DNAH8: variants seen among roughly 807,000 people sequenced by gnomAD.
The protein encoded by DNAH8 is axonemal beta dynein heavy chain 8.
DNAH8 carries 382 observed loss-of-function variants against 562.1 expected under a neutral mutation model. That is an observed-to-expected ratio of 0.68 (90% CI 0.63 to 0.74). DNAH8 has a LOEUF of 0.74. DNAH8 is among the 30% of genes least tolerant of loss of function. The pLI is 0.00. For synonymous variants in DNAH8, 1,881 were observed against 1,919.4 expected, an observed-to-expected ratio of 0.98 and a Z score of 0.52; for missense variants, 5,203 against 5,620.4, an observed-to-expected ratio of 0.93 and a Z score of 2.37.
In DNAH8 at chr6:38,862,450, T is replaced by G. The variant is rs1776708783; in HGVS notation, c.6302T>G (p.Ile2101Ser). ...DQMDFRGLGR[I>S]FKGLAQSGSW... ...ATGGATTTCAGAGGCCTAGGAAGGA[T>G]TTTCAAAGGCAAGTGTCAAATAATG... is the stretch of plus-strand genomic sequence containing the variant. Residue 2101 changes from isoleucine (I) to serine (S), a missense_variant, in exon 44 of 93, where the codon ATT becomes AGT. By Grantham distance (142) the Ile-to-Ser change is moderately radical. Transcript: ENST00000327475. The G allele has an allele frequency of 1.2e-6, 2 of 1,606,188 alleles. No homozygotes were observed. The highest frequency in any genetic ancestry group is 1.7e-6 in the Non-Finnish European group (2 of 1,176,970).
intron 83 of DNAH8, 111 bp from the exon 84 acceptor site, chr6:38,973,550 T>C: frequency 2.7e-6 from 2 of 732,644 alleles, no homozygotes. Context: ...TTTAAAAATG[T>C]GTTCAAAACA....
chr6:39,029,277 T>A (rs1315478474), intron 92 of DNAH8, among the ~76,000 whole-genome samples: 1 of 152,044 alleles, frequency 6.6e-6, no homozygotes, highest in African/African-American at 2.4e-5. Context: ...CGCTCTCTCC[T>A]CTGTCTTTCC....
chr6:38,739,624 C>A (rs1222754810), intron 7 of DNAH8, among the ~76,000 whole-genome samples: 1 of 152,022 alleles, frequency 6.6e-6, no homozygotes, highest in Non-Finnish European at 1.5e-5. Context: ...CTGGGGAACG[C>A]AGTGAGACCC....
intron 8 of DNAH8, 113 bp downstream of exon 8, chr6:38,742,000 C>G (rs1217836548): frequency 1.2e-6 from 1 of 804,590 alleles, no homozygotes; most frequent in African/African-American, 1.8e-5. Context: ...GAAGTGTTAG[C>G]CTTTGAGTAA....
Position 38,876,400 on chromosome 6 carries a change from C to T in DNAH8, c.7858+572C>T, listed in dbSNP as rs1381184070. Among the ~76,000 whole-genome samples the T allele has an allele frequency of 2.0e-5, 3 of 152,176 alleles. No homozygotes were observed. The East Asian group carries it at 5.8e-4, about 29-fold the overall frequency. Reference sequence around the variant, plus strand: ...GTTCCAAAGAGGAAAAATATGCTTCCTAAAAACTCTAATTACCTCTGGTTC... The same window carrying T: ...GTTCCAAAGAGGAAAAATATGCTTCTTAAAAACTCTAATTACCTCTGGTTC... On this transcript the variant is annotated intron_variant, in intron 53 of 92. Transcript: ENST00000327475.
In DNAH8 at chr6:38,924,104, G is replaced by A. The variant is rs866855066; in HGVS notation, c.10904G>A (p.Arg3635Gln). The A allele has an allele frequency of 1.2e-6, 2 of 1,613,982 alleles. No homozygotes were observed. Among genetic ancestry groups the A allele is most frequent in the Non-Finnish European group, 8.5e-7 (1 of 1,179,926 alleles). Residue 3635 changes from arginine to glutamine, a missense_variant, in exon 73 of 93, where the codon CGG (arginine) becomes CAG (glutamine). By Grantham distance (43) the Arg-to-Gln change is conservative (BLOSUM62 1). This residue lies in a region of DNAH8 where 1,399 missense variants were observed against 1,518.4 expected (regional missense o/e 0.92). Transcript: ENST00000327475. Reference sequence around the variant, plus strand: ...CAATGGGAAATGGAGTTGAGAGCACGGAAAATTCCTTTCACAGAAAACCTG... The same window carrying A: ...CAATGGGAAATGGAGTTGAGAGCACAGAAAATTCCTTTCACAGAAAACCTG... ...KDQWEMELRA[R>Q]KIPFTENLNL... is the part of the protein sequence containing the mutation.
intron 64 of DNAH8, 35 bp downstream of exon 64, chr6:38,908,155 A>G (rs1164625871): frequency 1.5e-6 from 2 of 1,330,694 alleles, no homozygotes; most frequent in Non-Finnish European, 2.0e-6. Context: ...CTACGTAGAA[A>G]GAGTTCCTTA....
In DNAH8 at chr6:38,813,833, A is replaced by G. The variant is rs112322165; in HGVS notation, c.3258-221A>G. The stretch of plus-strand genomic sequence containing the variant: ...TGAGAAAGAACAACATTAAAATAGT[A>G]GAAAATGTATATGAGATTACTATTT... On this transcript the variant is annotated intron_variant, in intron 24 of 92. Coordinates refer to ENST00000327475, the MANE Select transcript of DNAH8 (RefSeq NM_001206927.2). 3.9e-3 allele frequency among the ~76,000 whole-genome samples: 596 copies of G among 152,354 alleles called. 9 individuals carry two copies. Among genetic ancestry groups the G allele is most frequent in the African/African-American group, 0.014 (575 of 41,584 alleles).
At chr6:38,965,295 A>C (rs1762899151) in intron 82 of DNAH8, among the ~76,000 whole-genome samples, 1 of 152,120 alleles carries the variant, frequency 6.6e-6, no homozygotes, top group Non-Finnish European at 1.5e-5. Context: ...AATAAAGACT[A>C]TAAATAGCCT....
chr6:38,745,938 A>G (rs1257309910), intron 8 of DNAH8, among the ~76,000 whole-genome samples: 1 of 152,202 alleles, frequency 6.6e-6, no homozygotes, highest in Non-Finnish European at 1.5e-5. Flanking sequence ...TTACTGTTTT[A>G]AAATTGATCA....
chr6:38,720,333 A>G (rs72856577), intron 1 of DNAH8, among the ~76,000 whole-genome samples: 65,807 of 152,010 alleles, frequency 0.43, 14,527 homozygotes, highest in Admixed American at 0.47. Flanking sequence ...ACTTGGCCAA[A>G]GAAGACACCA....
intron 92 of DNAH8, 83 bp downstream of exon 92, chr6:39,026,750 G>A: frequency 4.1e-6 from 6 of 1,474,514 alleles, no homozygotes; most frequent in Non-Finnish European, 5.6e-6. Context: ...AGCTATGAGT[G>A]CCTTGGTTAG....
intron 70 of DNAH8, among the ~76,000 whole-genome samples, chr6:38,919,203 C>A (rs1385969000): frequency 6.6e-6 from 1 of 152,060 alleles, no homozygotes; most frequent in Non-Finnish European, 1.5e-5. Context: ...AATAAAATAG[C>A]ATAAAATTGT....
intron 3 of DNAH8, among the ~76,000 whole-genome samples, chr6:38,728,343 C>T (rs1763395707): frequency 1.7e-5 from 2 of 117,570 alleles, no homozygotes; most frequent in South Asian, 5.4e-4. Flanking sequence ...AGTTGATACT[C>T]AGATTAACTG....
At chr6:38,800,948 C>T (rs994358128) in intron 21 of DNAH8, among the ~76,000 whole-genome samples, 1 of 152,066 alleles carries the variant, frequency 6.6e-6, no homozygotes, top group African/African-American at 2.4e-5. Flanking sequence ...GATACTAGTT[C>T]CTTATCAGAT....
intron 82 of DNAH8, among the ~76,000 whole-genome samples, chr6:38,966,448 A>T (rs1583470153): frequency 6.6e-6 from 1 of 152,338 alleles, no homozygotes; most frequent in East Asian, 1.9e-4. Flanking sequence ...TTTTCTAAAA[A>T]ATAAAAGAGG....
rs566587015 is a variant in DNAH8, at chr6:38,865,095, C to T, written c.6498+1035C>T. On this transcript the variant is annotated intron_variant, in intron 45 of 92. Transcript: ENST00000327475. ...ATAGGAAACCAAAGGCATGAATAAACGGGAGTTTTTATGCTTTTATGTATC... is the reference window on the plus strand; with the variant it reads ...ATAGGAAACCAAAGGCATGAATAAATGGGAGTTTTTATGCTTTTATGTATC... 5.3e-5 allele frequency among the ~76,000 whole-genome samples: 8 copies of T among 152,248 alleles called. No individual in the cohort carries two copies. In the South Asian group the frequency reaches 8.3e-4, roughly 16 times the overall value.
At chr6:38,826,129 A>G (rs747425404) in intron 28 of DNAH8, 27 bp from the exon 29 acceptor site, 49 of 1,479,982 alleles carry the variant, frequency 3.3e-5, no homozygotes, top group Non-Finnish European at 4.2e-5. Context: ...GTTATATTCT[A>G]ATTTAATTTC....
intron 77 of DNAH8, among the ~76,000 whole-genome samples, chr6:38,937,326 C>G (rs1783053206): frequency 6.6e-6 from 1 of 151,464 alleles, no homozygotes; most frequent in African/African-American, 2.4e-5. Context: ...GCACGTTCTG[C>G]ATGTGTACCC....
Sources: allele counts gnomAD v4.1 joint callset (sites outside exome capture counted in the v4.1 genomes callset), GRCh38; gene constraint gnomAD v4.1.1; regional missense constraint gnomAD v4.1.1; transcripts MANE v1.5; gene names NCBI Gene and HGNC (gene_info 2026-07-23, HGNC 2026-07-21).